ITPRIPL1: variants seen among roughly 807,000 people sequenced by gnomAD.
ITPRIPL1 encodes the protein inositol 1,4,5-trisphosphate receptor-interacting protein-like 1.
In ITPRIPL1, 28 loss-of-function variants were observed where a neutral mutation model predicts 40.0. The ratio of observed to expected loss-of-function variants is 0.70; its 90% confidence interval spans 0.52 to 0.96. The LOEUF is 0.96. Ranked by LOEUF, ITPRIPL1 falls within the 40% of genes least tolerant of loss-of-function variation. The pLI is 0.00. For synonymous variants in ITPRIPL1, 251 were observed against 275.7 expected, an observed-to-expected ratio of 0.91 and a Z score of 0.89; for missense variants, 638 against 698.0, an observed-to-expected ratio of 0.91 and a Z score of 0.97.
At position 96,328,146 on chromosome 2, in the gene ITPRIPL1, A is replaced by G. The variant is rs1048675; in HGVS notation, c.1515A>G (p.Pro505=). Reference sequence around the variant, plus strand: ...ACAATTTTCTGCCCCTGACCATCCCAATCCCTAAGACATTTAGGAATGCTG... The same window carrying G: ...ACAATTTTCTGCCCCTGACCATCCCGATCCCTAAGACATTTAGGAATGCTG... ...IGNNFLPLTI[P]IPKTFRNAEP... Residue 505 remains proline, a synonymous_variant, in exon 3 of 3, where the codon CCA becomes CCG. Coordinates refer to ENST00000439118, the MANE Select transcript of ITPRIPL1 (RefSeq NM_001008949.3). 0.34 allele frequency: 548,339 copies of G among 1,613,430 alleles called. 100,766 individuals are homozygous for G. The highest frequency in any genetic ancestry group is 0.68 in the South Asian group (62,205 of 91,058).
Position 96,327,832 on chromosome 2 carries a change from T to G in ITPRIPL1, c.1201T>G (p.Cys401Gly). ...SVDWPESFVA[C>G]EHLFLKLVGR... ...GGACTGGCCTGAGTCCTTTGTGGCC[T>G]GTGAGCACCTGTTCCTGAAGCTGGT... Residue 401 changes from cysteine (C) to glycine (G), a missense_variant, in exon 3 of 3, where the codon TGT becomes GGT. Coordinates refer to ENST00000439118, the MANE Select transcript of ITPRIPL1 (RefSeq NM_001008949.3). The G allele has an allele frequency of 6.2e-7, 1 of 1,614,144 alleles. No individual in the cohort carries two copies. Among genetic ancestry groups the G allele is most frequent in the Non-Finnish European group, 8.5e-7 (1 of 1,180,032 alleles).
downstream of ITPRIPL1, chr2:96,328,364 T>TAAAC: frequency 6.7e-7 from 1 of 1,490,228 alleles, no homozygotes; most frequent in African/African-American, 1.4e-5. Context: ...CAAAAGTGTT[T>TAAAC]ACTTTTCAGA....
intron 2 of ITPRIPL1, 117 bp from the exon 3 acceptor site, chr2:96,326,525 G>C: frequency 6.4e-7 from 1 of 1,563,080 alleles, no homozygotes; most frequent in Non-Finnish European, 8.6e-7. Context: ...TGGGCTTTCT[G>C]TTCCTCCTGA....
At position 96,326,931 on chromosome 2, in the gene ITPRIPL1, C is replaced by G; in HGVS notation, c.300C>G (p.Gly100=). 1 of 1,614,210 alleles carries G rather than the reference C, an allele frequency of 6.2e-7. No individual in the cohort carries two copies. Among genetic ancestry groups the G allele is most frequent in the Non-Finnish European group, 8.5e-7 (1 of 1,180,038 alleles). ...TGGGGTGGCCGTTCCAGGCCGATGGCCAGGAAGGGCCTCTGGGCTGGATGC... is the reference window on the plus strand; with the variant it reads ...TGGGGTGGCCGTTCCAGGCCGATGGGCAGGAAGGGCCTCTGGGCTGGATGC... The part of the protein sequence containing the change: ...KDMGWPFQAD[G]QEGPLGWMLG... Residue 100 remains glycine, a synonymous_variant, in exon 3 of 3, where the codon GGC becomes GGG. Transcript: ENST00000439118.
chr2:96,328,423 G>A, downstream of ITPRIPL1: 1 of 961,732 alleles, frequency 1.0e-6, no homozygotes, highest in Non-Finnish European at 1.5e-6. Flanking sequence ...GGGCTATGAT[G>A]AGACACCTTA....
chr2:96,326,100 A>C, intron 2 of ITPRIPL1: 1 of 1,368,724 alleles, frequency 7.3e-7, no homozygotes, highest in Non-Finnish European at 1.0e-6. Flanking sequence ...CTCCCTGGGC[A>C]GAGAGGGAGA....
In ITPRIPL1 at chr2:96,327,809, A is replaced by C; in HGVS notation, c.1178A>C (p.Asp393Ala). 1 of 1,614,032 alleles carries C rather than the reference A, an allele frequency of 6.2e-7. No individual in the cohort carries two copies. Among genetic ancestry groups the C allele is most frequent in the Non-Finnish European group, 8.5e-7 (1 of 1,180,008 alleles). ...APDQEQLTSV[D>A]WPESFVACEH... is the part of the protein sequence containing the mutation. ...GACCAGGAGCAGCTCACCAGTGTGG[A>C]CTGGCCTGAGTCCTTTGTGGCCTGT... Residue 393 changes from aspartate to alanine, a missense_variant, in exon 3 of 3, where the codon GAC (aspartate) becomes GCC (alanine). Transcript: ENST00000439118.
Position 96,326,425 on chromosome 2 carries a change from A to G in ITPRIPL1, c.11-217A>G. On this transcript the variant is annotated intron_variant, in intron 2 of 2. Transcript: ENST00000439118. ...CCACACCATGTGGAAGGAAAGCAGG[A>G]GAGAGACTGAGTGGCACATCCTTTC... is the stretch of plus-strand genomic sequence containing the variant. The G allele has an allele frequency of 1.9e-6, 3 of 1,549,328 alleles. No individual in the cohort carries two copies. The South Asian group carries it at 3.6e-5, about 19-fold the overall frequency.
chr2:96,325,827 G>A lies in ITPRIPL1; in HGVS notation c.-13G>A, dbSNP rs759859123. The A allele has an allele frequency of 4.5e-5, 72 of 1,613,828 alleles. No homozygotes were observed. The highest frequency in any genetic ancestry group is 1.0e-4 in the Admixed American group (6 of 60,010). On this transcript the variant is annotated 5_prime_UTR_variant, in exon 2 of 3. Coordinates refer to ENST00000439118, the MANE Select transcript of ITPRIPL1 (RefSeq NM_001008949.3). ...GCCCAGCTGGCTTCAGCGTCCACAC[G>A]GCATAGTCCTTCATGAATGTTGGTA... is the stretch of plus-strand genomic sequence containing the variant.
intron 2 of ITPRIPL1, 174 bp from the exon 3 acceptor site, chr2:96,326,468 A>C (rs1573047149): frequency 6.5e-7 from 1 of 1,543,042 alleles, no homozygotes; most frequent in East Asian, 2.3e-5. Flanking sequence ...TTTCTCTCGA[A>C]CCTCCTCCCA....
In ITPRIPL1 at chr2:96,327,671, C is replaced by G. The variant is rs199619420; in HGVS notation, c.1040C>G (p.Thr347Ser). ...TTTAAACTCAGTCTCCCACCGTCTACCACCTCCTGCAAGCTCCGGCTGGAC... is the reference window on the plus strand; with the variant it reads ...TTTAAACTCAGTCTCCCACCGTCTAGCACCTCCTGCAAGCTCCGGCTGGAC... ...YDFKLSLPPSTTSCKLRLDYR... is the reference protein window; with the variant it reads ...YDFKLSLPPSSTSCKLRLDYR... Residue 347 changes from threonine to serine, a missense_variant, in exon 3 of 3, where the codon ACC becomes AGC. Coordinates refer to ENST00000439118, the MANE Select transcript of ITPRIPL1 (RefSeq NM_001008949.3). 1.5e-5 allele frequency: 24 copies of G among 1,613,226 alleles called. No individual in the cohort carries two copies. The highest frequency in any genetic ancestry group is 2.0e-5 in the Non-Finnish European group (24 of 1,179,770).
chr2:96,325,916 G>GCTAGCTTCACTTCTTAGTTCAGAAAA, intron 2 of ITPRIPL1, 67 bp downstream of exon 2: 1 of 1,557,908 alleles, frequency 6.4e-7, no homozygotes, highest in Non-Finnish European at 8.9e-7. Flanking sequence ...GGGTGGGGAG[G>GCTAGCTTCACTTCTTAGTTCAGAAAA]CAGTGGAACT....
Position 96,326,937 on chromosome 2 carries a change from AG to A in ITPRIPL1, c.309del (p.Pro104LeufsTer150). ...GGCCGTTCCAGGCCGATGGCCAGGAAGGGCCTCTGGGCTGGATGCTGGGAAA... is the reference window on the plus strand; with the variant it reads ...GGCCGTTCCAGGCCGATGGCCAGGAAGGCCTCTGGGCTGGATGCTGGGAAA... The part of the protein sequence containing the change: ...GWPFQADGQE[G>X]PLGWMLGNLW... On this transcript the variant is annotated frameshift_variant, in exon 3 of 3. Coordinates refer to ENST00000439118, the MANE Select transcript of ITPRIPL1 (RefSeq NM_001008949.3). LOFTEE classifies it high-confidence loss of function. 1 of 1,614,240 alleles carries A rather than the reference AG, an allele frequency of 6.2e-7. No individual in the cohort carries two copies. Among genetic ancestry groups the A allele is most frequent in the Non-Finnish European group, 8.5e-7 (1 of 1,180,042 alleles).
In ITPRIPL1 at chr2:96,327,990, C is replaced by T. The variant is rs765385371; in HGVS notation, c.1359C>T (p.Leu453=). ...CTTCTTACCATTTTAAAACAGCTCT[C>T]ATGCACCTCTTGCTACGGCTGCCCC... is the stretch of plus-strand genomic sequence containing the variant. ...ILTSYHFKTA[L]MHLLLRLPLT... Residue 453 remains leucine (L), a synonymous_variant, in exon 3 of 3, where the codon CTC becomes CTT. Transcript: ENST00000439118. 2.5e-6 allele frequency: 4 copies of T among 1,614,186 alleles called. No homozygotes were observed. Among genetic ancestry groups the T allele is most frequent in the Non-Finnish European group, 3.4e-6 (4 of 1,180,036 alleles).
At position 96,327,421 on chromosome 2, in the gene ITPRIPL1, T is replaced by G; in HGVS notation, c.790T>G (p.Cys264Gly). ...RDPALGRRCG[C>G]VLVESECVCK... ...CCCAGCCCTGGGCCGCCGCTGTGGC[T>G]GTGTGCTGGTGGAGTCAGAATGTGT... The change falls in exon 3 of 3, where the codon TGT (cysteine) becomes GGT (glycine). Residue 264 changes from cysteine to glycine, a missense_variant. By Grantham distance (159) the Cys-to-Gly change is radical. Coordinates refer to ENST00000439118, the MANE Select transcript of ITPRIPL1 (RefSeq NM_001008949.3). 1 of 1,613,944 alleles carries G rather than the reference T, an allele frequency of 6.2e-7. No homozygotes were observed. Among genetic ancestry groups the G allele is most frequent in the South Asian group, 1.1e-5 (1 of 91,050 alleles).
chr2:96,326,207 G>A, intron 2 of ITPRIPL1: 1 of 1,448,986 alleles, frequency 6.9e-7, no homozygotes, highest in South Asian at 1.2e-5. Flanking sequence ...CCGGGGCAGA[G>A]GAAAGGTGTC....
At position 96,327,852 on chromosome 2, in the gene ITPRIPL1, G is replaced by T; in HGVS notation, c.1221G>T (p.Lys407Asn). The change falls in exon 3 of 3, where the codon AAG (lysine) becomes AAT (asparagine). Residue 407 changes from lysine (K) to asparagine (N), a missense_variant. By Grantham distance (94) the Lys-to-Asn change is moderately conservative. Coordinates refer to ENST00000439118, the MANE Select transcript of ITPRIPL1 (RefSeq NM_001008949.3). ...SFVACEHLFL[K>N]LVGRFAPENT... is the part of the protein sequence containing the mutation. ...TGGCCTGTGAGCACCTGTTCCTGAAGCTGGTGGGGCGCTTTGCCCCCGAGA... is the reference window on the plus strand; with the variant it reads ...TGGCCTGTGAGCACCTGTTCCTGAATCTGGTGGGGCGCTTTGCCCCCGAGA... 1 of 1,614,102 alleles carries T rather than the reference G, an allele frequency of 6.2e-7. No individual in the cohort carries two copies. The highest frequency in any genetic ancestry group is 1.1e-5 in the South Asian group (1 of 91,084).
downstream of ITPRIPL1, chr2:96,328,601 G>T: frequency 3.5e-6 from 1 of 283,312 alleles, no homozygotes. Context: ...AGATCCAGAG[G>T]GTCACTGTGA....
At chr2:96,329,149 T>TA (rs1491189389), downstream of ITPRIPL1, 2 of 85,190 alleles carry the variant, frequency 2.3e-5, no homozygotes, top group South Asian at 3.2e-4. Context: ...AAAAAAAAAA[T>TA]TATATATATA....
Sources: allele counts gnomAD v4.1 joint callset, GRCh38; gene constraint gnomAD v4.1.1; transcripts MANE v1.5; gene names NCBI Gene and HGNC (gene_info 2026-07-23, HGNC 2026-07-21).